The following GALNTL6 variants were observed in gnomAD, a reference collection of about 807,000 sequenced individuals.
The protein encoded by GALNTL6 is polypeptide N-acetylgalactosaminyltransferase-like 6.
In GALNTL6, 46 loss-of-function variants were observed where a neutral mutation model predicts 73.7. That is an observed-to-expected ratio of 0.62 (90% CI 0.49 to 0.80). The LOEUF (loss-of-function observed/expected upper bound fraction) is 0.80. Among genes scored for constraint, GALNTL6 ranks in the 30% least tolerant of loss-of-function variants. GALNTL6 has a pLI of 0.00. For synonymous variants in GALNTL6, 259 were observed against 263.7 expected (o/e 0.98, Z 0.17); for missense variants, 604 against 755.0 (o/e 0.80, Z 2.34).
In GALNTL6 at chr4:172,899,732, T is replaced by C. The variant is rs370097690; in HGVS notation, c.1041+16825T>C. Reference sequence around the variant, plus strand: ...AAGGAATAAAAGAATGGCTACTCCATAGGCAGAGCAGCCCCAAGGTCTGCT... The same window carrying C: ...AAGGAATAAAAGAATGGCTACTCCACAGGCAGAGCAGCCCCAAGGTCTGCT... On this transcript the variant is annotated intron_variant, in intron 8 of 12. Transcript: ENST00000506823. Among the ~76,000 whole-genome samples, 7 of 152,212 alleles carry C rather than the reference T, an allele frequency of 4.6e-5. No homozygotes were observed. The South Asian group carries it at 1.2e-3, about 27-fold the overall frequency.
At chr4:172,451,509 G>A (rs941511127) in intron 5 of GALNTL6, among the ~76,000 whole-genome samples, 1 of 152,184 alleles carries the variant, frequency 6.6e-6, no homozygotes, top group Non-Finnish European at 1.5e-5. Context: ...GATTCTAGAG[G>A]TTGATAGAAA....
intron 7 of GALNTL6, among the ~76,000 whole-genome samples, chr4:172,856,851 A>T (rs1266331264): frequency 6.6e-6 from 1 of 152,210 alleles, no homozygotes; most frequent in African/African-American, 2.4e-5. Context: ...GCAAGGGGGA[A>T]TCTAATTTCA....
chr4:172,353,711 A>T (rs1222282866), intron 5 of GALNTL6, among the ~76,000 whole-genome samples: 1 of 149,786 alleles, frequency 6.7e-6, no homozygotes, highest in African/African-American at 2.4e-5. Context: ...ACAAGGAAAA[A>T]ATATTATATA....
At position 172,117,779 on chromosome 4, in the gene GALNTL6, AC is replaced by A. The variant is rs138730026; in HGVS notation, c.139-111875del. On this transcript the variant is annotated intron_variant, in intron 2 of 12. Transcript: ENST00000506823. ...AATGAATCTCAACAACATTGTTGAGACCAAAAGAAATTAGAATAAAAAGAGA... is the reference window on the plus strand; with the variant it reads ...AATGAATCTCAACAACATTGTTGAGACAAAAGAAATTAGAATAAAAAGAGA... Among the ~76,000 whole-genome samples the A allele has an allele frequency of 6.6e-5, 10 of 152,302 alleles. No individual in the cohort carries two copies. The East Asian group carries it at 1.9e-3, about 29-fold the overall frequency.
rs1257874988 is a variant in GALNTL6 at position 172,824,380 on chromosome 4, GTGTGTGTGTGTGTGTT to G, written c.923+10671_923+10686del. 1.9e-3 allele frequency among the ~76,000 whole-genome samples: 282 copies of G among 144,830 alleles called. 1 individual carries two copies. Among genetic ancestry groups the G allele is most frequent in the African/African-American group, 6.4e-3 (234 of 36,464 alleles). On this transcript the variant is annotated intron_variant, in intron 7 of 12. Coordinates refer to ENST00000506823, the MANE Select transcript of GALNTL6 (RefSeq NM_001034845.3). ...TGGTATAGTGTGTGTGTGTGTGAGT[GTGTGTGTGTGTGTGTT>G]TGTGTGTGTGTGTTCATGTGTGTGT...
At chr4:171,967,701 T>C (rs1739431799) in intron 2 of GALNTL6, among the ~76,000 whole-genome samples, 1 of 152,198 alleles carries the variant, frequency 6.6e-6, no homozygotes, top group South Asian at 2.1e-4. Context: ...TTCTTTCTCT[T>C]CTAAATTTAT....
chr4:172,409,345 T>C (rs13120941), intron 5 of GALNTL6, among the ~76,000 whole-genome samples: 96 of 152,120 alleles, frequency 6.3e-4, no homozygotes, highest in Middle Eastern at 3.4e-3. Context: ...CCATTATCAA[T>C]ATATAGCTCA....
intron 5 of GALNTL6, among the ~76,000 whole-genome samples, chr4:172,802,984 A>G (rs537416273): frequency 1.3e-5 from 2 of 152,366 alleles, no homozygotes; most frequent in South Asian, 4.1e-4. Context: ...ACATGTAGAC[A>G]TATAGCTCAG....
intron 2 of GALNTL6, among the ~76,000 whole-genome samples, chr4:172,127,317 G>T (rs1039452294): frequency 1.3e-5 from 2 of 152,186 alleles, no homozygotes; most frequent in African/African-American, 4.8e-5. Context: ...GTCCACCATT[G>T]TTGACACCTG....
intron 2 of GALNTL6, among the ~76,000 whole-genome samples, chr4:172,106,130 G>C (rs1732668558): frequency 6.6e-6 from 1 of 152,076 alleles, no homozygotes; most frequent in Non-Finnish European, 1.5e-5. Flanking sequence ...ACAGCAAAAG[G>C]GTTCAGAGAG....
intron 2 of GALNTL6, among the ~76,000 whole-genome samples, chr4:171,861,370 A>G (rs1735826923): frequency 6.6e-6 from 1 of 152,196 alleles, no homozygotes; most frequent in Non-Finnish European, 1.5e-5. Flanking sequence ...TGAAGTCACT[A>G]CCAGTATGAT....
intron 2 of GALNTL6, among the ~76,000 whole-genome samples, chr4:171,919,737 G>A (rs181629055): frequency 1.5e-4 from 23 of 152,146 alleles, no homozygotes; most frequent in South Asian, 6.2e-4. Flanking sequence ...TTGGTAGGGC[G>A]CTCAGCAGAG....
At chr4:172,473,115 A>G (rs775924814) in intron 5 of GALNTL6, among the ~76,000 whole-genome samples, 97 of 152,240 alleles carry the variant, frequency 6.4e-4, no homozygotes, top group Non-Finnish European at 1.3e-3. Context: ...ACTACACCTA[A>G]CAACTTCTGC....
At chr4:172,671,464 C>T (rs1579316524) in intron 5 of GALNTL6, among the ~76,000 whole-genome samples, 1 of 152,060 alleles carries the variant, frequency 6.6e-6, no homozygotes. Flanking sequence ...CTTGGCTTGA[C>T]CGTTTTTGGC....
chr4:171,837,456 G>A (rs1735121717), intron 2 of GALNTL6, among the ~76,000 whole-genome samples: 1 of 151,266 alleles, frequency 6.6e-6, no homozygotes, highest in Non-Finnish European at 1.5e-5. Flanking sequence ...ATCCTGACCT[G>A]GATTGCTGTA....
intron 5 of GALNTL6, among the ~76,000 whole-genome samples, chr4:172,373,486 C>A (rs1232896888): frequency 1.3e-5 from 2 of 152,166 alleles, no homozygotes; most frequent in Non-Finnish European, 2.9e-5. Context: ...AAGCCTTGAG[C>A]TTTTAAATGT....
At chr4:172,729,307 A>G (rs1376517007) in intron 5 of GALNTL6, among the ~76,000 whole-genome samples, 2 of 152,114 alleles carry the variant, frequency 1.3e-5, no homozygotes, top group African/African-American at 4.8e-5. Context: ...CTTTTCTCAA[A>G]TAAATGTCCT....
At chr4:172,864,097 G>A (rs776973149) in intron 7 of GALNTL6, among the ~76,000 whole-genome samples, 4 of 152,070 alleles carry the variant, frequency 2.6e-5, no homozygotes, top group Non-Finnish European at 5.9e-5. Context: ...TGACTGTGAG[G>A]CCTCCCCAGC....
chr4:172,356,513 TACTC>T (rs975850724), intron 5 of GALNTL6, among the ~76,000 whole-genome samples: 109 of 152,316 alleles, frequency 7.2e-4, no homozygotes, highest in African/African-American at 2.4e-3. Context: ...TTATAACACT[TACTC>T]AATAAAATAA....
Sources: allele counts gnomAD v4.1 joint callset (sites outside exome capture counted in the v4.1 genomes callset), GRCh38; gene constraint gnomAD v4.1.1; transcripts MANE v1.5; gene names NCBI Gene and HGNC (gene_info 2026-07-23, HGNC 2026-07-21).